The following TMEM135 variants were observed in gnomAD, a reference collection of about 807,000 sequenced individuals.
The protein encoded by TMEM135 is transmembrane protein 135, also known as peroxisomal membrane protein 52.
In TMEM135, 30 loss-of-function variants were observed where a neutral mutation model predicts 60.3. The observed-to-expected ratio is 0.50, with a 90% CI of 0.37 to 0.68. TMEM135 has a LOEUF of 0.68. TMEM135 is among the 30% of genes least tolerant of loss of function. The pLI is 0.00. For missense variants in TMEM135, 468 were observed against 548.8 expected, an observed-to-expected ratio of 0.85 and a Z score of 1.47; for synonymous variants, 190 against 186.7, an observed-to-expected ratio of 1.02 and a Z score of -0.14.
chr11:87,107,167 A>G (rs949682534), intron 4 of TMEM135, among the ~76,000 whole-genome samples: 1 of 152,004 alleles, frequency 6.6e-6, no homozygotes, highest in African/African-American at 2.4e-5. Context: ...CTATTTAGAT[A>G]TTTTTTATTT....
intron 6 of TMEM135, among the ~76,000 whole-genome samples, chr11:87,275,752 C>T (rs1941955305): frequency 1.3e-5 from 2 of 152,134 alleles, no homozygotes; most frequent in African/African-American, 4.8e-5. Flanking sequence ...ACTCCTCATC[C>T]TGGGTTCAAG....
chr11:87,187,188 A>C (rs1939674675), intron 5 of TMEM135, among the ~76,000 whole-genome samples: 1 of 152,156 alleles, frequency 6.6e-6, no homozygotes, highest in African/African-American at 2.4e-5. Context: ...AAACTCTTAC[A>C]ATTTATTTCC....
intron 4 of TMEM135, among the ~76,000 whole-genome samples, chr11:87,126,118 C>T (rs754234148): frequency 3.7e-5 from 5 of 135,452 alleles, no homozygotes; most frequent in Admixed American, 8.2e-5. Context: ...GTGGTCCACC[C>T]GCTTTGGCCT....
At chr11:87,310,364 A>T (rs560793855) in intron 10 of TMEM135, among the ~76,000 whole-genome samples, 1 of 152,234 alleles carries the variant, frequency 6.6e-6, no homozygotes, top group African/African-American at 2.4e-5. Flanking sequence ...ATTTTATTAA[A>T]CGCTTAAAAG....
At chr11:87,153,833 T>C (rs1273903573) in intron 4 of TMEM135, among the ~76,000 whole-genome samples, 1 of 152,206 alleles carries the variant, frequency 6.6e-6, no homozygotes, top group African/African-American at 2.4e-5. Context: ...TATATTACAG[T>C]GTTCTACACT....
intron 6 of TMEM135, among the ~76,000 whole-genome samples, chr11:87,259,444 A>G (rs1351159576): frequency 6.6e-6 from 1 of 152,224 alleles, no homozygotes; most frequent in African/African-American, 2.4e-5. Context: ...CTACATATAT[A>G]TATCATGTTA....
chr11:87,103,715 G>GT (rs1857521631), intron 4 of TMEM135, among the ~76,000 whole-genome samples: 1 of 151,910 alleles, frequency 6.6e-6, no homozygotes, highest in Non-Finnish European at 1.5e-5. Flanking sequence ...CTGGAGTGCA[G>GT]TGGCGCAACC....
At chr11:87,070,459 A>G (rs1449826389) in intron 2 of TMEM135, among the ~76,000 whole-genome samples, 2 of 151,894 alleles carry the variant, frequency 1.3e-5, no homozygotes, top group African/African-American at 2.4e-5. Flanking sequence ...CCTGACCAAC[A>G]TGGTCTCTAC....
chr11:87,291,856 T>C (rs2135430562), intron 6 of TMEM135, among the ~76,000 whole-genome samples: 1 of 152,206 alleles, frequency 6.6e-6, no homozygotes, highest in African/African-American at 2.4e-5. Context: ...AGTGATTCTT[T>C]TAAAATTTAA....
chr11:87,044,550 C>T (rs548974674), intron 1 of TMEM135, among the ~76,000 whole-genome samples: 49 of 152,182 alleles, frequency 3.2e-4, no homozygotes, highest in Non-Finnish European at 5.1e-4. Flanking sequence ...TGAGACCTAA[C>T]TTATGGGGGT....
At chr11:87,209,495 C>A (rs1746416973) in intron 5 of TMEM135, among the ~76,000 whole-genome samples, 1 of 152,096 alleles carries the variant, frequency 6.6e-6, no homozygotes, top group Non-Finnish European at 1.5e-5. Flanking sequence ...ACAAGAAAAC[C>A]TAACTATCTT....
At chr11:87,214,682 T>C (rs1940457959) in intron 5 of TMEM135, among the ~76,000 whole-genome samples, 1 of 152,132 alleles carries the variant, frequency 6.6e-6, no homozygotes, top group Non-Finnish European at 1.5e-5. Context: ...ATTTAAAGCT[T>C]TTTCCCCCTA....
chr11:87,169,376 G>C (rs1327164553), intron 5 of TMEM135, among the ~76,000 whole-genome samples: 1 of 151,028 alleles, frequency 6.6e-6, no homozygotes, highest in African/African-American at 2.4e-5. Flanking sequence ...CCCATTAGTT[G>C]ATGCAGTTTC....
intron 4 of TMEM135, among the ~76,000 whole-genome samples, chr11:87,126,645 T>C (rs938467939): frequency 2.0e-5 from 3 of 150,262 alleles, no homozygotes; most frequent in African/African-American, 7.3e-5. Context: ...AAAGGACTCA[T>C]TGTATGGTTA....
chr11:87,198,166 C>T lies in TMEM135; in HGVS notation c.463-38472C>T, dbSNP rs988167353. On this transcript the variant is annotated intron_variant, in intron 5 of 14. Coordinates refer to ENST00000305494, the MANE Select transcript of TMEM135 (RefSeq NM_022918.4). ...TCACACTAGTCTGTTATCAAACATC[C>T]TCCCAACCATCCTCCTCAGTTCTAT... Among the ~76,000 whole-genome samples the T allele has an allele frequency of 9.2e-5, 14 of 152,258 alleles. 1 individual carries two copies. In the South Asian group the frequency reaches 1.4e-3, roughly 16 times the overall value.
At chr11:87,117,933 A>G (rs1341356311) in intron 4 of TMEM135, among the ~76,000 whole-genome samples, 1 of 152,184 alleles carries the variant, frequency 6.6e-6, no homozygotes, top group Non-Finnish European at 1.5e-5. Context: ...GTTGTAAGTA[A>G]TAAGATTTGC....
At chr11:87,314,967 A>G (rs1163313652) in intron 12 of TMEM135, among the ~76,000 whole-genome samples, 1 of 151,950 alleles carries the variant, frequency 6.6e-6, no homozygotes, top group Non-Finnish European at 1.5e-5. Flanking sequence ...CCACAGTATC[A>G]TTATCATACA....
chr11:87,142,769 C>A (rs1361550769), intron 4 of TMEM135, among the ~76,000 whole-genome samples: 1 of 151,636 alleles, frequency 6.6e-6, no homozygotes, highest in Non-Finnish European at 1.5e-5. Context: ...TTTCCCATTT[C>A]CCTTTCTTTT....
At chr11:87,320,802 T>A (rs947329752) in intron 14 of TMEM135, among the ~76,000 whole-genome samples, 2 of 152,330 alleles carry the variant, frequency 1.3e-5, no homozygotes, top group Non-Finnish European at 1.5e-5. Context: ...TTACATTTAA[T>A]GCTTTTGCCT....
Sources: allele counts gnomAD v4.1 joint callset (sites outside exome capture counted in the v4.1 genomes callset), GRCh38; gene constraint gnomAD v4.1.1; transcripts MANE v1.5; gene names NCBI Gene and HGNC (gene_info 2026-07-23, HGNC 2026-07-21).